The following NRXN3 variants were observed in gnomAD, a reference collection of about 807,000 sequenced individuals.
NRXN3 encodes neurexin 3.
NRXN3 carries 32 observed loss-of-function variants against 137.6 expected under a neutral mutation model. That is an observed-to-expected ratio of 0.23 (90% confidence interval 0.18 to 0.31). NRXN3 has a LOEUF of 0.31. Ranked by LOEUF, NRXN3 falls within the 10% of genes least tolerant of loss-of-function variation. The pLI, the probability that NRXN3 is intolerant of heterozygous loss-of-function variation, is 1.00. For missense variants in NRXN3, 1,574 were observed against 2,062.5 expected, an observed-to-expected ratio of 0.76 and a Z score of 4.59; for synonymous variants, 798 against 784.5, an observed-to-expected ratio of 1.02 and a Z score of -0.29.
chr14:78,618,669 T>C (rs1044616433), intron 4 of NRXN3, among the ~76,000 whole-genome samples: 1 of 152,196 alleles, frequency 6.6e-6, no homozygotes, highest in African/African-American at 2.4e-5. Flanking sequence ...ATGTGTTCTG[T>C]ACATCTGCAT....
intron 15 of NRXN3, among the ~76,000 whole-genome samples, chr14:79,015,399 G>A (rs1357312819): frequency 3.9e-5 from 6 of 152,208 alleles, no homozygotes; most frequent in African/African-American, 1.2e-4. Flanking sequence ...AGATGGCAGT[G>A]TGTAAGGCTC....
chr14:78,505,913 C>G (rs1224352540), intron 4 of NRXN3, among the ~76,000 whole-genome samples: 1 of 152,054 alleles, frequency 6.6e-6, no homozygotes, highest in Non-Finnish European at 1.5e-5. Context: ...TCGATGATGC[C>G]TTCACCATAA....
chr14:78,807,520 C>T (rs2098880286), intron 9 of NRXN3, among the ~76,000 whole-genome samples: 1 of 151,892 alleles, frequency 6.6e-6, no homozygotes, highest in African/African-American at 2.4e-5. Context: ...CGAGGCAGCC[C>T]ATCACGAGGT....
intron 10 of NRXN3, among the ~76,000 whole-genome samples, chr14:78,878,977 A>C (rs1349578591): frequency 6.6e-6 from 1 of 152,002 alleles, no homozygotes; most frequent in African/African-American, 2.4e-5. Context: ...AGCATGGCTT[A>C]TTTTACTTAA....
intron 10 of NRXN3, among the ~76,000 whole-genome samples, chr14:78,865,689 A>G (rs962174098): frequency 6.6e-6 from 1 of 152,188 alleles, no homozygotes; most frequent in African/African-American, 2.4e-5. Context: ...AAAATTTATT[A>G]AAGTGAATAT....
intron 19 of NRXN3, among the ~76,000 whole-genome samples, chr14:79,755,937 T>A (rs1371718387): frequency 6.6e-6 from 1 of 152,212 alleles, no homozygotes; most frequent in East Asian, 1.9e-4. Flanking sequence ...TATAGTTATC[T>A]TTAAACAATG....
Position 78,943,624 on chromosome 14 carries a change from ATATATATATATATATATATATATATATAT to A in NRXN3, c.2276-13617_2276-13589del, listed in dbSNP as rs2099358992. Among the ~76,000 whole-genome samples the A allele has an allele frequency of 4.9e-3, 77 of 15,846 alleles. 3 individuals are homozygous for A. The highest frequency in any genetic ancestry group is 0.062 in the Middle Eastern group (2 of 32). The allele number at this position is 15,846 out of a possible 152,430, so 10.4% of individuals were successfully genotyped here. A position where few individuals can be genotyped will look rare whatever the true frequency, so the allele number is the denominator to read the frequency against. ...AAGATCACTGTTAAAAAAAAAAAAT[ATATATATATATATATATATATATATATAT>A]ATATATATATATATATATATATATA... On this transcript the variant is annotated intron_variant, in intron 10 of 20. Coordinates refer to ENST00000335750, the MANE Select transcript of NRXN3 (RefSeq NM_001330195.2).
chr14:78,531,068 C>T (rs2096455284), intron 4 of NRXN3, among the ~76,000 whole-genome samples: 1 of 152,122 alleles, frequency 6.6e-6, no homozygotes, highest in Non-Finnish European at 1.5e-5. Flanking sequence ...TCTTGAAGCA[C>T]CTTTACTTTT....
intron 15 of NRXN3, among the ~76,000 whole-genome samples, chr14:79,342,897 T>C (rs2092683769): frequency 6.6e-6 from 1 of 152,190 alleles, no homozygotes; most frequent in Admixed American, 6.5e-5. Flanking sequence ...GGAGTTTTAC[T>C]ATTACTCAAA....
intron 14 of NRXN3, among the ~76,000 whole-genome samples, chr14:78,987,486 A>T (rs374668144): frequency 1.3e-5 from 2 of 151,692 alleles, no homozygotes; most frequent in African/African-American, 4.8e-5. Flanking sequence ...TCGCCCCCTA[A>T]AAAACATCAA....
rs528835292 is a variant in NRXN3 at position 78,259,556 on chromosome 14, C to T, written c.709+15754C>T. Among the ~76,000 whole-genome samples the T allele has an allele frequency of 4.6e-5, 7 of 152,076 alleles. No individual in the cohort carries two copies. The South Asian group carries it at 1.0e-3, about 23-fold the overall frequency. On this transcript the variant is annotated intron_variant, in intron 2 of 20. Transcript: ENST00000335750. ...TCTGTGGGCTGAAAGAGTGAGATGC[C>T]CACACAAGAGATGCTGGAAGCCCTG...
At position 79,508,390 on chromosome 14, in the gene NRXN3, A is replaced by ATTTTTTTTTTTTT. The variant is rs528502246; in HGVS notation, c.3444+40992_3444+41004dup. On this transcript the variant is annotated intron_variant, in intron 16 of 20. Coordinates refer to ENST00000335750, the MANE Select transcript of NRXN3 (RefSeq NM_001330195.2). Reference sequence around the variant, plus strand: ...AATTTTCTTTATAAAACAATAACTGATTTTTTTTTTTTTTTTAAGACAGAG... The same window carrying ATTTTTTTTTTTTT: ...AATTTTCTTTATAAAACAATAACTGATTTTTTTTTTTTTTTTTTTTTTTTTTTTTAAGACAGAG... 3.5e-3 allele frequency among the ~76,000 whole-genome samples: 171 copies of ATTTTTTTTTTTTT among 48,216 alleles called. 51 individuals carry two copies. The East Asian group carries it at 0.054, about 15-fold the overall frequency. The allele number at this position is 48,216 out of a possible 152,430, so 31.6% of individuals were successfully genotyped here.
Position 78,174,634 on chromosome 14 carries a change from G to C in NRXN3, c.-704+3960G>C, listed in dbSNP as rs554569535. Among the ~76,000 whole-genome samples, 19 of 152,294 alleles carry C rather than the reference G, an allele frequency of 1.2e-4. No individual in the cohort carries two copies. In the East Asian group the frequency reaches 3.7e-3, roughly 29 times the overall value. On this transcript the variant is annotated intron_variant, in intron 1 of 20. Transcript: ENST00000335750. The stretch of plus-strand genomic sequence containing the variant: ...GCCTGCCTCTTTGTGTGGTGTGGCT[G>C]TGTTTGTTGGATATGTGCGTATCCA...
At chr14:79,341,553 G>A (rs2092612927) in intron 15 of NRXN3, among the ~76,000 whole-genome samples, 1 of 152,172 alleles carries the variant, frequency 6.6e-6, no homozygotes, top group Non-Finnish European at 1.5e-5. Context: ...GCAGCTTAAA[G>A]TTTCAGGAGC....
At chr14:79,515,404 T>A (rs570306287) in intron 16 of NRXN3, among the ~76,000 whole-genome samples, 6 of 150,432 alleles carry the variant, frequency 4.0e-5, no homozygotes, top group Non-Finnish European at 8.8e-5. Flanking sequence ...GAGCAGGGCA[T>A]CAACCTTGAG....
rs1458847408 is a variant in NRXN3, at chr14:78,331,833, G to A, written c.757+33973G>A. Among the ~76,000 whole-genome samples, 5 of 152,316 alleles carry A rather than the reference G, an allele frequency of 3.3e-5. No individual in the cohort carries two copies. In the South Asian group the frequency reaches 6.2e-4, roughly 19 times the overall value. On this transcript the variant is annotated intron_variant, in intron 4 of 20. Transcript: ENST00000335750. ...TGCTTGATTACTCAATATAAAAATA[G>A]TTTTGTCCTGAGATCTGGAATTTCA...
At chr14:78,664,335 CT>C (rs1182960460) in intron 6 of NRXN3, among the ~76,000 whole-genome samples, 1 of 152,192 alleles carries the variant, frequency 6.6e-6, no homozygotes, top group Non-Finnish European at 1.5e-5. Flanking sequence ...CTTTCCCCTC[CT>C]CTCTTGCCTC....
At chr14:78,171,585 T>C (rs1291080473) in intron 1 of NRXN3, among the ~76,000 whole-genome samples, 1 of 152,134 alleles carries the variant, frequency 6.6e-6, no homozygotes, top group Non-Finnish European at 1.5e-5. Flanking sequence ...CTCTCTCTTT[T>C]TTAACCACAA....
chr14:79,525,524 GC>G (rs2097110585), intron 16 of NRXN3, among the ~76,000 whole-genome samples: 1 of 152,130 alleles, frequency 6.6e-6, no homozygotes, highest in Non-Finnish European at 1.5e-5. Flanking sequence ...AATGCTGGCA[GC>G]CATAAAATAA....
Sources: allele counts gnomAD v4.1 joint callset (sites outside exome capture counted in the v4.1 genomes callset), GRCh38; gene constraint gnomAD v4.1.1; transcripts MANE v1.5; gene names NCBI Gene and HGNC (gene_info 2026-07-23, HGNC 2026-07-21).